Variants in CDH12 observed in about 807,000 individuals in gnomAD.
CDH12 encodes cadherin-12.
Under a neutral mutation model 74.1 loss-of-function variants are expected in CDH12, and 41 were observed. That is an observed-to-expected ratio of 0.55 (90% CI 0.43 to 0.72). The LOEUF (loss-of-function observed/expected upper bound fraction) is 0.72. Among genes scored for constraint, CDH12 ranks in the 30% least tolerant of loss-of-function variants. The pLI is 0.00. For missense variants in CDH12, 945 were observed against 977.2 expected (o/e 0.97, Z 0.44); for synonymous variants, 399 against 355.0 (o/e 1.12, Z -1.39).
At chr5:21,852,307 C>T (rs4301195) in intron 7 of CDH12, among the ~76,000 whole-genome samples, 96,529 of 150,996 alleles carry the variant, frequency 0.64, 34,748 homozygotes, top group East Asian at 0.79. Flanking sequence ...ACATAGCTTA[C>T]GACAGAATTG....
intron 6 of CDH12, among the ~76,000 whole-genome samples, chr5:21,961,474 G>A (rs1033058952): frequency 2.6e-5 from 4 of 152,058 alleles, no homozygotes; most frequent in South Asian, 2.1e-4. Flanking sequence ...ATTTGAGTGC[G>A]TTATGGGTTG....
intron 1 of CDH12, among the ~76,000 whole-genome samples, chr5:22,714,677 C>G (rs1387135664): frequency 6.6e-6 from 1 of 152,158 alleles, no homozygotes. Context: ...CCACATCAGA[C>G]AGCTAATTTA....
chr5:22,297,294 A>T (rs961677), intron 3 of CDH12, among the ~76,000 whole-genome samples: 89,469 of 151,924 alleles, frequency 0.59, 26,679 homozygotes, highest in Non-Finnish European at 0.64. Flanking sequence ...GTGCTGGGAT[A>T]ACAGGCATAA....
intron 3 of CDH12, among the ~76,000 whole-genome samples, chr5:22,247,833 T>C (rs547746834): frequency 1.3e-5 from 2 of 152,282 alleles, no homozygotes; most frequent in South Asian, 4.1e-4. Flanking sequence ...AAGTCACATG[T>C]AAACATATCC....
At chr5:22,274,546 G>T (rs1461424613) in intron 3 of CDH12, among the ~76,000 whole-genome samples, 1 of 151,896 alleles carries the variant, frequency 6.6e-6, no homozygotes, top group Non-Finnish European at 1.5e-5. Flanking sequence ...CCACAAACAT[G>T]AATTTATGTG....
chr5:22,500,775 C>A (rs1333844161), intron 2 of CDH12, among the ~76,000 whole-genome samples: 1 of 152,034 alleles, frequency 6.6e-6, no homozygotes, highest in Non-Finnish European at 1.5e-5. Context: ...ATTTATGAGC[C>A]TCTTGGTATC....
chr5:22,529,457 A>C (rs1237852654), intron 1 of CDH12, among the ~76,000 whole-genome samples: 1 of 152,006 alleles, frequency 6.6e-6, no homozygotes, highest in Non-Finnish European at 1.5e-5. Flanking sequence ...TGGCAGGAAA[A>C]AAAACAATGT....
intron 6 of CDH12, among the ~76,000 whole-genome samples, chr5:21,942,330 T>C (rs1477058102): frequency 9.2e-6 from 1 of 109,234 alleles, no homozygotes. Flanking sequence ...ATGAGACAAA[T>C]ACAGTATATA....
intron 3 of CDH12, among the ~76,000 whole-genome samples, chr5:22,318,794 T>C (rs1738738150): frequency 6.6e-6 from 1 of 152,160 alleles, no homozygotes; most frequent in Non-Finnish European, 1.5e-5. Context: ...AACATATTTG[T>C]CAAATGTTGA....
intron 3 of CDH12, among the ~76,000 whole-genome samples, chr5:22,378,664 T>C (rs748118860): frequency 3.9e-5 from 6 of 152,144 alleles, no homozygotes; most frequent in Non-Finnish European, 7.4e-5. Flanking sequence ...TTAATTCTAT[T>C]GAGTTGTGTC....
At chr5:22,750,969 A>G (rs1462275549) in intron 1 of CDH12, among the ~76,000 whole-genome samples, 3 of 151,608 alleles carry the variant, frequency 2.0e-5, no homozygotes, top group African/African-American at 7.3e-5. Flanking sequence ...AAATGAGAAC[A>G]AGGTTTACAA....
intron 1 of CDH12, among the ~76,000 whole-genome samples, chr5:22,608,792 T>C (rs1233098512): frequency 6.6e-6 from 1 of 152,162 alleles, no homozygotes; most frequent in East Asian, 1.9e-4. Flanking sequence ...GGCTTCCTCT[T>C]TATTCAGCAC....
At chr5:22,349,880 G>T (rs75570217) in intron 3 of CDH12, among the ~76,000 whole-genome samples, 1 of 152,060 alleles carries the variant, frequency 6.6e-6, no homozygotes, top group Non-Finnish European at 1.5e-5. Flanking sequence ...GACTACAGGC[G>T]CAGCTAATCT....
At chr5:22,740,874 A>G (rs999378756) in intron 1 of CDH12, among the ~76,000 whole-genome samples, 13 of 152,124 alleles carry the variant, frequency 8.5e-5, no homozygotes, top group African/African-American at 2.7e-4. Flanking sequence ...GAGAAAGGCA[A>G]TATGTCTTGA....
chr5:22,093,613 T>A (rs1743565171), intron 4 of CDH12, among the ~76,000 whole-genome samples: 1 of 152,190 alleles, frequency 6.6e-6, no homozygotes, highest in African/African-American at 2.4e-5. Context: ...GGACTGTATT[T>A]TGGGTATGAC....
At position 22,115,567 on chromosome 5, in the gene CDH12, G is replaced by A. The variant is rs540404884; in HGVS notation, c.-186-36705C>T. 9.2e-5 allele frequency among the ~76,000 whole-genome samples: 14 copies of A among 151,534 alleles called. No homozygotes were observed. In the East Asian group the frequency reaches 1.4e-3, roughly 15 times the overall value. ...TATAGTATTATGTGATGCATGTTGCGTTTCATTATTTGACAAATTGGAAAT... is the reference window on the plus strand; with the variant it reads ...TATAGTATTATGTGATGCATGTTGCATTTCATTATTTGACAAATTGGAAAT... On this transcript the variant is annotated intron_variant, in intron 4 of 14. Coordinates refer to ENST00000382254, the MANE Select transcript of CDH12 (RefSeq NM_004061.5).
intron 2 of CDH12, among the ~76,000 whole-genome samples, chr5:22,418,540 G>A (rs1561388497): frequency 6.6e-6 from 1 of 152,158 alleles, no homozygotes. Context: ...CAAAGGGAAT[G>A]CTTCCAATTT....
intron 4 of CDH12, among the ~76,000 whole-genome samples, chr5:22,115,628 T>C (rs748749204): frequency 3.3e-5 from 5 of 152,122 alleles, no homozygotes; most frequent in Non-Finnish European, 5.9e-5. Context: ...TACCATTTCC[T>C]TTGTAGCAAT....
At chr5:21,779,470 C>CT (rs1416038143) in intron 11 of CDH12, 1 of 152,114 alleles carries the variant, frequency 6.6e-6, no homozygotes, top group African/African-American at 2.4e-5. Context: ...TTTGGAGTCT[C>CT]TGTCTCATTG....
Sources: allele counts gnomAD v4.1 joint callset (sites outside exome capture counted in the v4.1 genomes callset), GRCh38; gene constraint gnomAD v4.1.1; transcripts MANE v1.5; gene names NCBI Gene and HGNC (gene_info 2026-07-23, HGNC 2026-07-21).